OPCML: variants seen among roughly 807,000 people sequenced by gnomAD.
The protein encoded by OPCML is opioid binding protein/cell adhesion molecule like, also known as opioid-binding protein/cell adhesion molecule.
A neutral mutation model predicts 37.8 loss-of-function variants in OPCML; 13 were observed. The ratio of observed to expected loss-of-function variants is 0.34; its 90% CI spans 0.22 to 0.55. The LOEUF is 0.55. Among genes scored for constraint, OPCML ranks in the 20% least tolerant of loss-of-function variants. The pLI, the probability that OPCML is intolerant of heterozygous loss-of-function variation, is 0.91. For synonymous variants in OPCML, 176 were observed against 168.8 expected, an observed-to-expected ratio of 1.04 and a Z score of -0.33; for missense variants, 341 against 435.6, an observed-to-expected ratio of 0.78 and a Z score of 1.93.
At chr11:133,251,439 T>C (rs1941130928) in intron 1 of OPCML, among the ~76,000 whole-genome samples, 1 of 152,154 alleles carries the variant, frequency 6.6e-6, no homozygotes. Flanking sequence ...TCGCAGGTTC[T>C]CTCTGTCAGA....
chr11:132,839,555 T>C (rs992027028), intron 2 of OPCML, among the ~76,000 whole-genome samples: 1 of 152,212 alleles, frequency 6.6e-6, no homozygotes, highest in African/African-American at 2.4e-5. Flanking sequence ...CCATTCCATA[T>C]CAATTCCACG....
chr11:132,912,718 G>A (rs530198519), intron 2 of OPCML, among the ~76,000 whole-genome samples: 1 of 152,116 alleles, frequency 6.6e-6, no homozygotes, highest in Non-Finnish European at 1.5e-5. Flanking sequence ...CCTAACTGGG[G>A]TTGCTTTTTG....
Position 132,419,044 on chromosome 11 carries a change from A to C in OPCML, c.*1149T>G, listed in dbSNP as rs78393761. On this transcript the variant is annotated 3_prime_UTR_variant, in exon 8 of 8. Coordinates refer to ENST00000524381, the MANE Select transcript of OPCML (RefSeq NM_001012393.5). ...GTCTCCCTTGGGTGGATAGGATACC[A>C]GATTTTAAAGAGTCCACAACACAGG... is the stretch of plus-strand genomic sequence containing the variant. 6.5e-6 allele frequency: 1 copy of C among 152,784 alleles called. No homozygotes were observed. Among genetic ancestry groups the C allele is most frequent in the African/African-American group, 2.4e-5 (1 of 41,578 alleles). 9.5% of individuals were successfully genotyped at this position (152,784 alleles called of 1,614,324 possible).
rs1001775944 is a variant in OPCML at position 132,631,561 on chromosome 11, G to A, written c.379+25526C>T. Among the ~76,000 whole-genome samples, 17 of 150,822 alleles carry A rather than the reference G, an allele frequency of 1.1e-4. No individual in the cohort carries two copies. In the East Asian group the frequency reaches 3.3e-3, roughly 29 times the overall value. ...TGCAAGCTCCGCCTCCCGGGTTCAC[G>A]CCATTCGCCTGCCTCAGCCTCCCGA... On this transcript the variant is annotated intron_variant, in intron 3 of 7. Transcript: ENST00000524381.
At chr11:133,499,314 G>A (rs779945806) in intron 1 of OPCML, among the ~76,000 whole-genome samples, 5 of 152,158 alleles carry the variant, frequency 3.3e-5, no homozygotes, top group Admixed American at 6.5e-5. Flanking sequence ...CATCTCCATC[G>A]CATTCCCAAT....
intron 1 of OPCML, among the ~76,000 whole-genome samples, chr11:133,196,067 C>G (rs990333006): frequency 2.6e-5 from 4 of 152,274 alleles, no homozygotes; most frequent in African/African-American, 9.6e-5. Context: ...TATTCACGAG[C>G]TGCTGAGATC....
intron 1 of OPCML, among the ~76,000 whole-genome samples, chr11:133,316,154 C>A (rs1198862209): frequency 6.6e-6 from 1 of 151,972 alleles, no homozygotes; most frequent in Non-Finnish European, 1.5e-5. Context: ...GAAGAGGAGA[C>A]CAGAGTCAGG....
chr11:132,543,195 A>T (rs550216824), intron 3 of OPCML, among the ~76,000 whole-genome samples: 1 of 152,364 alleles, frequency 6.6e-6, no homozygotes, highest in South Asian at 2.1e-4. Context: ...ATATGATAAA[A>T]GTAAATATAA....
chr11:133,188,846 C>T (rs892266141), intron 1 of OPCML, among the ~76,000 whole-genome samples: 1 of 152,148 alleles, frequency 6.6e-6, no homozygotes, highest in African/African-American at 2.4e-5. Flanking sequence ...AGTCTCTCTG[C>T]ACCCCACACT....
chr11:133,453,901 A>G (rs1349271155), intron 1 of OPCML, among the ~76,000 whole-genome samples: 1 of 152,212 alleles, frequency 6.6e-6, no homozygotes, highest in Non-Finnish European at 1.5e-5. Flanking sequence ...TAAAGTTATG[A>G]TATTAATGAG....
chr11:133,371,156 A>G (rs1325052030), intron 1 of OPCML, among the ~76,000 whole-genome samples: 2 of 152,230 alleles, frequency 1.3e-5, no homozygotes, highest in Non-Finnish European at 2.9e-5. Flanking sequence ...AAGACAAAAA[A>G]TAACAGGTGC....
intron 2 of OPCML, among the ~76,000 whole-genome samples, chr11:132,732,960 A>G (rs1206022328): frequency 6.6e-6 from 1 of 152,174 alleles, no homozygotes; most frequent in Non-Finnish European, 1.5e-5. Context: ...TTAAAAGGAG[A>G]CACACTAAAT....
chr11:133,322,608 C>T (rs1379150446), intron 1 of OPCML, among the ~76,000 whole-genome samples: 1 of 152,168 alleles, frequency 6.6e-6, no homozygotes, highest in Non-Finnish European at 1.5e-5. Flanking sequence ...AAAAAAAAGA[C>T]TGGGTTTTAG....
At chr11:133,400,396 G>A (rs1439824328) in intron 1 of OPCML, among the ~76,000 whole-genome samples, 1 of 152,186 alleles carries the variant, frequency 6.6e-6, no homozygotes, top group Non-Finnish European at 1.5e-5. Flanking sequence ...ACCCTTTTAA[G>A]GTGCTCTTTG....
intron 2 of OPCML, among the ~76,000 whole-genome samples, chr11:132,827,810 T>A (rs1940447877): frequency 6.6e-6 from 1 of 151,744 alleles, no homozygotes; most frequent in African/African-American, 2.4e-5. Context: ...TGGCTGAATT[T>A]TTTTTTTGTA....
At chr11:132,705,707 C>T (rs1420412164) in intron 2 of OPCML, among the ~76,000 whole-genome samples, 1 of 152,196 alleles carries the variant, frequency 6.6e-6, no homozygotes, top group Non-Finnish European at 1.5e-5. Context: ...TTGTAAGTTT[C>T]CAGAGGCACC....
intron 1 of OPCML, among the ~76,000 whole-genome samples, chr11:133,473,244 G>T (rs748003263): frequency 2.6e-5 from 4 of 152,160 alleles, no homozygotes; most frequent in Non-Finnish European, 4.4e-5. Context: ...ACCCAGTCTC[G>T]AATTTTAAAT....
chr11:132,543,007 A>G lies in OPCML; in HGVS notation c.380-13821T>C, dbSNP rs564603663. On this transcript the variant is annotated intron_variant, in intron 3 of 7. Transcript: ENST00000524381. Reference sequence around the variant, plus strand: ...CTCTTTATCTTGGGAGGAAGATGGGATTTGGAAAATGTTTAAGAAATGGGC... The same window carrying G: ...CTCTTTATCTTGGGAGGAAGATGGGGTTTGGAAAATGTTTAAGAAATGGGC... 4.5e-4 allele frequency among the ~76,000 whole-genome samples: 68 copies of G among 152,236 alleles called. 2 individuals are homozygous for G. The Middle Eastern group carries it at 0.014, about 30-fold the overall frequency.
intron 2 of OPCML, among the ~76,000 whole-genome samples, chr11:132,803,825 C>T (rs1565875493): frequency 1.3e-5 from 2 of 152,210 alleles, no homozygotes; most frequent in South Asian, 2.1e-4. Context: ...GGGATAGTAC[C>T]TAAATTAGAG....
Sources: gnomAD v4.1 joint callset for allele counts (sites outside exome capture counted in the v4.1 genomes callset) on GRCh38, gnomAD v4.1.1 for gene constraint, MANE v1.5 for transcripts, NCBI Gene and HGNC (gene_info 2026-07-23, HGNC 2026-07-21) for gene names.